GARNL3: variants seen among roughly 807,000 people sequenced by gnomAD.
GARNL3 encodes the protein GTPase-activating Rap/Ran-GAP domain-like protein 3.
A neutral mutation model predicts 125.0 loss-of-function variants in GARNL3; 63 were observed. That is an observed-to-expected ratio of 0.50 (90% CI 0.41 to 0.62). The LOEUF (loss-of-function observed/expected upper bound fraction) is 0.62, where lower values mean the gene tolerates loss of function less well. Ranked by LOEUF, GARNL3 falls within the 20% of genes least tolerant of loss-of-function variation. GARNL3 has a pLI of 0.00. For missense variants in GARNL3, 994 were observed against 1,244.0 expected (o/e 0.80, Z 3.02); for synonymous variants, 439 against 457.5 (o/e 0.96, Z 0.52).
chr9:127,236,028 A>G (rs1484472856), intron 1 of GARNL3, among the ~76,000 whole-genome samples: 1 of 152,252 alleles, frequency 6.6e-6, no homozygotes, highest in East Asian at 1.9e-4. Context: ...TTTACATGAA[A>G]AAGAAAATTC....
chr9:127,349,106 C>A, intron 17 of GARNL3, 71 bp downstream of exon 17: 2 of 1,003,172 alleles, frequency 2.0e-6, no homozygotes, highest in South Asian at 1.3e-5. Context: ...GAGTGACCAC[C>A]AACCAACTCC....
At chr9:127,325,877 C>G (rs1296485055) in intron 7 of GARNL3, among the ~76,000 whole-genome samples, 1 of 152,178 alleles carries the variant, frequency 6.6e-6, no homozygotes, top group African/African-American at 2.4e-5. Flanking sequence ...AGCCAGTTGT[C>G]CTTTTGAAAC....
chr9:127,290,700 C>T (rs2131369248), intron 1 of GARNL3, among the ~76,000 whole-genome samples: 1 of 152,252 alleles, frequency 6.6e-6, no homozygotes, highest in African/African-American at 2.4e-5. Flanking sequence ...GACTAATTGG[C>T]CTTTTGGAAA....
chr9:127,295,598 T>C (rs1475864553), intron 2 of GARNL3, among the ~76,000 whole-genome samples: 1 of 152,152 alleles, frequency 6.6e-6, no homozygotes, highest in Non-Finnish European at 1.5e-5. Flanking sequence ...GTCACAAGCA[T>C]TGGGTCCCCA....
chr9:127,300,783 T>C (rs767497334), intron 2 of GARNL3: 2 of 378,338 alleles, frequency 5.3e-6, no homozygotes, highest in Non-Finnish European at 1.0e-5. Context: ...TACAGTAAGT[T>C]TTGCAGATTC....
chr9:127,393,276 A>G lies in GARNL3; in HGVS notation c.*22A>G, dbSNP rs1257484977. On this transcript the variant is annotated 3_prime_UTR_variant, in exon 28 of 28. Transcript: ENST00000373387. ...GTAACAGAGTTGAATCTCATTTGCC[A>G]TCTTTAGTTTTCTTATGGAGGTTTA... The G allele has an allele frequency of 6.3e-7, 1 of 1,587,994 alleles. No individual in the cohort carries two copies. The highest frequency in any genetic ancestry group is 8.6e-7 in the Non-Finnish European group (1 of 1,158,824).
chr9:127,313,161 G>A (rs1281180276), intron 3 of GARNL3, among the ~76,000 whole-genome samples: 2 of 152,098 alleles, frequency 1.3e-5, no homozygotes, highest in African/African-American at 4.8e-5. Context: ...AGAAGAAGAC[G>A]GTATTTAGGA....
rs746159981 is a variant in GARNL3, at chr9:127,339,782, C to T, written c.1135+31C>T. The stretch of plus-strand genomic sequence containing the variant: ...TTTCTGTTTTGAAACAATTTTGCAA[C>T]TTGTTCTATGTCAGAATACATTTCT... On this transcript the variant is annotated intron_variant, in intron 13 of 27. Coordinates refer to ENST00000373387, the MANE Select transcript of GARNL3 (RefSeq NM_032293.5). The T allele has an allele frequency of 1.4e-5, 18 of 1,326,702 alleles. No individual in the cohort carries two copies. In the East Asian group the frequency reaches 3.7e-4, roughly 27 times the overall value. 82.2% of individuals were successfully genotyped at this position (1,326,702 alleles called of 1,614,324 possible).
chr9:127,304,530 CT>C (rs61493807), intron 2 of GARNL3, among the ~76,000 whole-genome samples: 10,574 of 98,590 alleles, frequency 0.11, 165 homozygotes, highest in Middle Eastern at 0.17. Flanking sequence ...TGGCTTTATT[CT>C]TTTTTTTTTT....
At chr9:127,352,229 C>A (rs745769320) in intron 17 of GARNL3, among the ~76,000 whole-genome samples, 1 of 152,162 alleles carries the variant, frequency 6.6e-6, no homozygotes, top group African/African-American at 2.4e-5. Flanking sequence ...GGAGGTGTGA[C>A]CTCAGACAAG....
chr9:127,380,340 AAAAT>A (rs1407737890), intron 22 of GARNL3, among the ~76,000 whole-genome samples: 1 of 152,138 alleles, frequency 6.6e-6, no homozygotes, highest in Non-Finnish European at 1.5e-5. Flanking sequence ...AACACAGAAA[AAAAT>A]AACAAAGCTC....
intron 1 of GARNL3, among the ~76,000 whole-genome samples, chr9:127,281,176 G>A (rs1480957481): frequency 2.0e-5 from 3 of 152,140 alleles, no homozygotes; most frequent in East Asian, 3.8e-4. Flanking sequence ...AAAAGAGCCC[G>A]AGTGGGTTAT....
At chr9:127,360,533 A>G (rs1564178159) in intron 21 of GARNL3, among the ~76,000 whole-genome samples, 1 of 152,128 alleles carries the variant, frequency 6.6e-6, no homozygotes, top group South Asian at 2.1e-4. Context: ...CCCTAAGAAA[A>G]TGAAAAAGAT....
At chr9:127,300,538 T>G in intron 2 of GARNL3, 1 of 339,508 alleles carries the variant, frequency 2.9e-6, no homozygotes, top group South Asian at 2.5e-5. Context: ...CACTGCAACC[T>G]CCACCTCCCA....
chr9:127,381,713 C>G, intron 22 of GARNL3, among the ~76,000 whole-genome samples: 1 of 152,060 alleles, frequency 6.6e-6, no homozygotes, highest in African/African-American at 2.4e-5. Flanking sequence ...TCTCCTGCCT[C>G]AGCCTCCTGA....
intron 9 of GARNL3, among the ~76,000 whole-genome samples, chr9:127,333,326 C>T (rs1829370698): frequency 2.6e-5 from 4 of 152,174 alleles, no homozygotes; most frequent in Admixed American, 2.0e-4. Context: ...TCAGCCCTCA[C>T]AGCCCTGGAC....
At position 127,380,958 on chromosome 9, in the gene GARNL3, A is replaced by G. The variant is rs564340740; in HGVS notation, c.2162-2480A>G. 2.0e-5 allele frequency among the ~76,000 whole-genome samples: 3 copies of G among 152,320 alleles called. No individual in the cohort carries two copies. The East Asian group carries it at 5.8e-4, about 29-fold the overall frequency. On this transcript the variant is annotated intron_variant, in intron 22 of 27. Coordinates refer to ENST00000373387, the MANE Select transcript of GARNL3 (RefSeq NM_032293.5). ...CAGTGGCGTGATCTTGGCTCACTGC[A>G]ACCTCTACCCCCCGGGTTCAAGTGA...
At chr9:127,257,294 G>A (rs1419708206) in intron 2 of GARNL3, among the ~76,000 whole-genome samples, 3 of 152,214 alleles carry the variant, frequency 2.0e-5, no homozygotes, top group South Asian at 2.1e-4. Context: ...GCTCAAGAGT[G>A]CAGTTGCTGG....
chr9:127,278,523 T>C (rs548323232), intron 1 of GARNL3, among the ~76,000 whole-genome samples: 1 of 152,338 alleles, frequency 6.6e-6, no homozygotes, highest in Admixed American at 6.5e-5. Flanking sequence ...AATCATTACA[T>C]ATCTGAGCAT....
Sources: allele counts gnomAD v4.1 joint callset (sites outside exome capture counted in the v4.1 genomes callset), GRCh38; gene constraint gnomAD v4.1.1; transcripts MANE v1.5; gene names NCBI Gene and HGNC (gene_info 2026-07-23, HGNC 2026-07-21).